Variants in ADGRL3 observed in about 807,000 individuals in gnomAD.
ADGRL3 encodes the protein adhesion G protein-coupled receptor L3.
A neutral mutation model predicts 153.5 loss-of-function variants in ADGRL3; 62 were observed. The ratio of observed to expected loss-of-function variants is 0.40; its 90% CI spans 0.33 to 0.50. The LOEUF is 0.50. Ranked by LOEUF, ADGRL3 falls within the 20% of genes least tolerant of loss-of-function variation. The probability of loss-of-function intolerance (pLI) is 0.47; values close to 1 mark genes in which losing one functional copy is unlikely to be tolerated. For synonymous variants in ADGRL3, 710 were observed against 672.5 expected, an observed-to-expected ratio of 1.06 and a Z score of -0.86; for missense variants, 1,641 against 1,859.4, an observed-to-expected ratio of 0.88 and a Z score of 2.16.
intron 1 of ADGRL3, among the ~76,000 whole-genome samples, chr4:61,215,990 G>GT (rs1449446071): frequency 6.6e-6 from 1 of 152,066 alleles, no homozygotes; most frequent in Non-Finnish European, 1.5e-5. Flanking sequence ...AGGATGGTGG[G>GT]TGGTCCTTTT....
intron 17 of ADGRL3, among the ~76,000 whole-genome samples, chr4:61,958,706 T>G (rs2098977015): frequency 6.6e-6 from 1 of 152,030 alleles, no homozygotes; most frequent in Admixed American, 6.6e-5. Flanking sequence ...AAGAACAGCA[T>G]GGGGGAAACT....
intron 1 of ADGRL3, among the ~76,000 whole-genome samples, chr4:61,274,326 G>A (rs2149843748): frequency 6.6e-6 from 1 of 152,296 alleles, no homozygotes; most frequent in African/African-American, 2.4e-5. Context: ...TCTCCAGTAT[G>A]AAATTAAGGA....
At chr4:61,305,758 A>G (rs1401898623) in intron 1 of ADGRL3, among the ~76,000 whole-genome samples, 18 of 152,132 alleles carry the variant, frequency 1.2e-4, no homozygotes, top group Admixed American at 1.1e-3. Context: ...AAGTGGGAGC[A>G]TGGCTCATAA....
intron 5 of ADGRL3, among the ~76,000 whole-genome samples, chr4:61,663,260 C>A (rs2094665696): frequency 6.6e-6 from 1 of 152,180 alleles, no homozygotes; most frequent in African/African-American, 2.4e-5. Context: ...CCTAGGAGCT[C>A]CCTGAGCCAG....
At chr4:61,948,614 G>T (rs2098935017) in intron 17 of ADGRL3, among the ~76,000 whole-genome samples, 1 of 152,174 alleles carries the variant, frequency 6.6e-6, no homozygotes, top group Non-Finnish European at 1.5e-5. Context: ...GGTTTAGAAA[G>T]CTGGGACTGG....
intron 21 of ADGRL3, among the ~76,000 whole-genome samples, chr4:62,003,057 TA>T: frequency 6.6e-6 from 1 of 152,320 alleles, no homozygotes. Context: ...ATAATTTGCT[TA>T]ATAACATCTC....
In ADGRL3 at chr4:61,469,604, C is replaced by A. The variant is rs192254596; in HGVS notation, c.-173-27517C>A. Reference sequence around the variant, plus strand: ...TTTTACATTAAAATTTGCTTTTACACTATCCTAACAGCATTTTATTCTTTG... The same window carrying A: ...TTTTACATTAAAATTTGCTTTTACAATATCCTAACAGCATTTTATTCTTTG... On this transcript the variant is annotated intron_variant, in intron 2 of 26. Transcript: ENST00000683033. Among the ~76,000 whole-genome samples, 8 of 152,120 alleles carry A rather than the reference C, an allele frequency of 5.3e-5. No individual in the cohort carries two copies. The East Asian group carries it at 1.5e-3, about 29-fold the overall frequency.
intron 1 of ADGRL3, among the ~76,000 whole-genome samples, chr4:61,328,066 C>G (rs949639786): frequency 1.3e-5 from 2 of 151,914 alleles, no homozygotes; most frequent in Admixed American, 1.3e-4. Flanking sequence ...TTTGGATTGG[C>G]AAAATTTGCA....
intron 9 of ADGRL3, among the ~76,000 whole-genome samples, chr4:61,823,988 G>C (rs986929146): frequency 2.0e-5 from 3 of 152,128 alleles, no homozygotes; most frequent in Admixed American, 1.3e-4. Context: ...CTTGATCCTG[G>C]GAGGCAGAGG....
chr4:61,284,037 AT>A (rs1261966655), intron 1 of ADGRL3, among the ~76,000 whole-genome samples: 2 of 151,956 alleles, frequency 1.3e-5, no homozygotes, highest in Non-Finnish European at 2.9e-5. Context: ...CAAGTACCTA[AT>A]GGATCCCAAT....
intron 5 of ADGRL3, among the ~76,000 whole-genome samples, chr4:61,658,504 A>G (rs2150524564): frequency 6.6e-6 from 1 of 152,298 alleles, no homozygotes; most frequent in Non-Finnish European, 1.5e-5. Flanking sequence ...TGAAGATTAC[A>G]CAAGATAAGT....
At chr4:62,011,482 G>T (rs1166700651) in intron 21 of ADGRL3, among the ~76,000 whole-genome samples, 1 of 151,982 alleles carries the variant, frequency 6.6e-6, no homozygotes, top group Non-Finnish European at 1.5e-5. Context: ...CTCGGTATAG[G>T]GCGGTTATCT....
At chr4:61,592,200 C>A (rs2098972521) in intron 5 of ADGRL3, among the ~76,000 whole-genome samples, 1 of 151,904 alleles carries the variant, frequency 6.6e-6, no homozygotes, top group African/African-American at 2.4e-5. Flanking sequence ...CTGCTGAAGT[C>A]ATTCGGGGTG....
Position 62,044,479 on chromosome 4 carries a change from C to T in ADGRL3, c.3744C>T (p.Asp1248=). ...GCCGAATCCGTAGAATGTGGAATGA[C>T]ACGGTTCGAAAGCAGTCAGAGTCTT... is the stretch of plus-strand genomic sequence containing the variant. ...SQSRIRRMWN[D]TVRKQSESSF... is the part of the protein sequence containing the mutation. Residue 1248 remains aspartate (D), a synonymous_variant, in exon 25 of 27, where the codon GAC becomes GAT. Coordinates refer to ENST00000683033, the MANE Select transcript of ADGRL3 (RefSeq NM_001387552.1). 2 of 1,595,444 alleles carry T rather than the reference C, an allele frequency of 1.3e-6. No individual in the cohort carries two copies. The highest frequency in any genetic ancestry group is 1.7e-6 in the Non-Finnish European group (2 of 1,170,486).
At chr4:62,058,032 A>G (rs1010389736) in intron 25 of ADGRL3, among the ~76,000 whole-genome samples, 2 of 152,166 alleles carry the variant, frequency 1.3e-5, no homozygotes, top group Admixed American at 6.6e-5. Flanking sequence ...GCTTTATTAA[A>G]GGGCTAATTC....
At chr4:61,628,790 G>A (rs1333314642) in intron 5 of ADGRL3, among the ~76,000 whole-genome samples, 1 of 152,136 alleles carries the variant, frequency 6.6e-6, no homozygotes, top group African/African-American at 2.4e-5. Context: ...AACTCATTCT[G>A]CTTCAAAATA....
chr4:61,665,369 C>T (rs533492462), intron 5 of ADGRL3, among the ~76,000 whole-genome samples: 39 of 152,220 alleles, frequency 2.6e-4, no homozygotes, highest in Non-Finnish European at 5.0e-4. Context: ...CGAGATTGCA[C>T]CATTGCACTT....
intron 2 of ADGRL3, among the ~76,000 whole-genome samples, chr4:61,439,418 T>C (rs1255918090): frequency 6.6e-6 from 1 of 152,216 alleles, no homozygotes; most frequent in Non-Finnish European, 1.5e-5. Context: ...GTGACACTTC[T>C]CTTGCTAAGA....
intron 1 of ADGRL3, among the ~76,000 whole-genome samples, chr4:61,372,180 C>G (rs1430663548): frequency 6.6e-6 from 1 of 152,064 alleles, no homozygotes; most frequent in East Asian, 1.9e-4. Context: ...TTTGAATGTC[C>G]TCCCGTAGCT....
Sources: gnomAD v4.1 joint callset for allele counts (sites outside exome capture counted in the v4.1 genomes callset) on GRCh38, gnomAD v4.1.1 for gene constraint, MANE v1.5 for transcripts, NCBI Gene and HGNC (gene_info 2026-07-23, HGNC 2026-07-21) for gene names.